NCOA3: variants seen among roughly 807,000 people sequenced by gnomAD.
NCOA3 encodes the protein CBP-interacting protein.
NCOA3 carries 51 observed loss-of-function variants against 158.8 expected under a neutral mutation model. That is an observed-to-expected ratio of 0.32 (90% CI 0.26 to 0.41). The LOEUF (loss-of-function observed/expected upper bound fraction) is 0.41, where lower values mean the gene tolerates loss of function less well. NCOA3 is among the 10% of genes least tolerant of loss of function. The probability of loss-of-function intolerance (pLI) is 1.00; values close to 1 mark genes in which losing one functional copy is unlikely to be tolerated. For missense variants in NCOA3, 1,510 were observed against 1,746.6 expected (o/e 0.86, Z 2.41); for synonymous variants, 537 against 592.4 (o/e 0.91, Z 1.36).
Position 47,655,767 on chromosome 20 carries a change from T to G in NCOA3, c.*2350T>G, listed in dbSNP as rs1313643667. 6.6e-6 allele frequency: 1 copy of G among 152,170 alleles called. No homozygotes were observed. The highest frequency in any genetic ancestry group is 2.4e-5 in the African/African-American group (1 of 41,314). 9.4% of individuals were successfully genotyped at this position (152,170 alleles called of 1,614,324 possible). On this transcript the variant is annotated 3_prime_UTR_variant, in exon 23 of 23. Transcript: ENST00000371998. ...TCTTTCTTGACTTTAAAAAAATTATTAAAAACAAAAAAAAAATAAATTTTT... is the reference window on the plus strand; with the variant it reads ...TCTTTCTTGACTTTAAAAAAATTATGAAAAACAAAAAAAAAATAAATTTTT...
At chr20:47,642,544 CTT>C (rs1474925444) in intron 17 of NCOA3, among the ~76,000 whole-genome samples, 160 bp downstream of exon 17, 1 of 152,086 alleles carries the variant, frequency 6.6e-6, no homozygotes, top group African/African-American at 2.4e-5. Flanking sequence ...GGAAAATATC[CTT>C]TTTTGGTCTC....
chr20:47,647,030 T>C (rs1199475936), intron 17 of NCOA3, 43 bp from the exon 18 acceptor site: 16 of 1,560,302 alleles, frequency 1.0e-5, no homozygotes, highest in Non-Finnish European at 1.4e-5. Flanking sequence ...TTCTGTTGCT[T>C]TCATAGATGT....
Position 47,627,085 on chromosome 20 carries a change from T to C in NCOA3, c.441T>C (p.Tyr147=), listed in dbSNP as rs764873309. 1 of 1,612,602 alleles carries C rather than the reference T, an allele frequency of 6.2e-7. No homozygotes were observed. Among genetic ancestry groups the C allele is most frequent in the South Asian group, 1.1e-5 (1 of 91,030 alleles). The change falls in exon 6 of 23, where the codon TAT becomes TAC. Residue 147 remains tyrosine (Y), a synonymous_variant. Transcript: ENST00000371998. ...VSENVTQYLQ[Y]KQEDLVNTSV... Reference sequence around the variant, plus strand: ...AAAATGTCACACAATACCTGCAATATAAGCAAGAGGACCTGGTTAACACAA... The same window carrying C: ...AAAATGTCACACAATACCTGCAATACAAGCAAGAGGACCTGGTTAACACAA...
chr20:47,511,636 C>T (rs1334767173), intron 1 of NCOA3, among the ~76,000 whole-genome samples: 3 of 143,796 alleles, frequency 2.1e-5, no homozygotes, highest in African/African-American at 8.2e-5. Context: ...CCGCAACCTC[C>T]ACCTCCCCGG....
chr20:47,513,320 C>T (rs903755871), intron 1 of NCOA3, among the ~76,000 whole-genome samples: 41 of 152,146 alleles, frequency 2.7e-4, no homozygotes, highest in African/African-American at 9.7e-4. Context: ...TGCTTACTTA[C>T]CATCAAATAC....
rs1752296032 is a variant in NCOA3 at position 47,651,077 on chromosome 20, G to GCAGCAA, written c.3752_3753insACAGCA (p.Gln1275_Gln1276dup). On this transcript the variant is annotated inframe_insertion, in exon 20 of 23. Coordinates refer to ENST00000371998, the MANE Select transcript of NCOA3 (RefSeq NM_181659.3). ...AGAGGGTGGCTATGATGATGCAGCA[G>GCAGCAA]CAGCAGCAGCAGCAACAGCAGCAGC... 8.0e-7 allele frequency: 1 copy of GCAGCAA among 1,255,462 alleles called. No individual in the cohort carries two copies. Among genetic ancestry groups the GCAGCAA allele is most frequent in the Non-Finnish European group, 1.1e-6 (1 of 900,946 alleles). 77.8% of individuals were successfully genotyped at this position (1,255,462 alleles called of 1,614,324 possible). A position where few individuals can be genotyped will look rare whatever the true frequency, so the allele number is the denominator to read the frequency against.
chr20:47,559,518 C>T (rs1410000444), intron 1 of NCOA3, among the ~76,000 whole-genome samples: 1 of 152,150 alleles, frequency 6.6e-6, no homozygotes, highest in Non-Finnish European at 1.5e-5. Context: ...ATGCTTGCTT[C>T]TCTTTCTTAC....
intron 1 of NCOA3, among the ~76,000 whole-genome samples, chr20:47,526,873 C>T (rs2084462975): frequency 6.6e-6 from 1 of 152,148 alleles, no homozygotes; most frequent in Non-Finnish European, 1.5e-5. Flanking sequence ...GAACTCCTGA[C>T]CTCAGGTGAT....
intron 16 of NCOA3, 47 bp from the exon 17 acceptor site, chr20:47,642,166 A>C (rs1029621680): frequency 1.3e-5 from 18 of 1,385,014 alleles, no homozygotes; most frequent in Non-Finnish European, 1.7e-5. Flanking sequence ...TATTACTCTT[A>C]GAAAAAAAAA....
Position 47,653,636 on chromosome 20 carries a change from T to C in NCOA3, c.*219T>C. The C allele has an allele frequency of 1.7e-6, 1 of 579,494 alleles. No homozygotes were observed. Among genetic ancestry groups the C allele is most frequent in the Non-Finnish European group, 3.0e-6 (1 of 328,284 alleles). The allele number at this position is 579,494 out of a possible 1,614,324, so 35.9% of individuals were successfully genotyped here. On this transcript the variant is annotated 3_prime_UTR_variant, in exon 23 of 23. Transcript: ENST00000371998. ...TCCCCCCTCCTTCTGCTGTGTATCA[T>C]GGTGTTCAAAACAGAAATGTTTTTT...
At chr20:47,562,087 A>G (rs1196480208) in intron 1 of NCOA3, among the ~76,000 whole-genome samples, 2 of 151,852 alleles carry the variant, frequency 1.3e-5, no homozygotes, top group Non-Finnish European at 2.9e-5. Flanking sequence ...TCTTTTTATG[A>G]CTTGATAGCG....
At chr20:47,502,471 C>A (rs1380595637) in intron 1 of NCOA3, among the ~76,000 whole-genome samples, 1 of 152,178 alleles carries the variant, frequency 6.6e-6, no homozygotes, top group Non-Finnish European at 1.5e-5. Flanking sequence ...GCGGGGACCC[C>A]CCCCACCCCA....
intron 17 of NCOA3, 90 bp downstream of exon 17, chr20:47,642,474 G>C (rs902807691): frequency 1.2e-6 from 1 of 849,090 alleles, no homozygotes; most frequent in African/African-American, 1.7e-5. Flanking sequence ...GAATGCCTGT[G>C]TGTGTCTCTC....
At chr20:47,564,140 C>T (rs981898258) in intron 1 of NCOA3, among the ~76,000 whole-genome samples, 6 of 142,180 alleles carry the variant, frequency 4.2e-5, no homozygotes, top group Admixed American at 2.2e-4. Context: ...AAGAGCGAGA[C>T]CCTGTCTCAA....
At chr20:47,542,836 C>T (rs2084767688) in intron 1 of NCOA3, among the ~76,000 whole-genome samples, 1 of 152,126 alleles carries the variant, frequency 6.6e-6, no homozygotes, top group African/African-American at 2.4e-5. Flanking sequence ...GTGGCACATA[C>T]CTGTTGTCCC....
intron 8 of NCOA3, among the ~76,000 whole-genome samples, chr20:47,632,674 CTGTTGCTGGCCCGAGTTTTT>C (rs1568740889): frequency 7.1e-6 from 1 of 140,668 alleles, no homozygotes; most frequent in Non-Finnish European, 1.5e-5. Context: ...ATGTGAGCCA[CTGTTGCTGGCCCGAGTTTTT>C]TTTTTTTGAG....
At chr20:47,618,348 G>GTTTTTTTT (rs71183269) in intron 2 of NCOA3, among the ~76,000 whole-genome samples, 9 of 101,374 alleles carry the variant, frequency 8.9e-5, no homozygotes, top group East Asian at 2.8e-4. Flanking sequence ...TTTTCCCTTA[G>GTTTTTTTT]TTTTTTTTTT....
chr20:47,630,946 T>C (rs1029762876), intron 8 of NCOA3: 1 of 152,230 alleles, frequency 6.6e-6, no homozygotes, highest in East Asian at 1.9e-4. Context: ...GTAAAACCTA[T>C]ACAAAACAGA....
At chr20:47,643,422 A>T (rs889137857) in intron 17 of NCOA3, among the ~76,000 whole-genome samples, 3 of 152,236 alleles carry the variant, frequency 2.0e-5, no homozygotes, top group Non-Finnish European at 4.4e-5. Context: ...GATACCAGTG[A>T]CATAGAACCT....
Sources: gnomAD v4.1 joint callset for allele counts (sites outside exome capture counted in the v4.1 genomes callset) on GRCh38, gnomAD v4.1.1 for gene constraint, MANE v1.5 for transcripts, NCBI Gene and HGNC (gene_info 2026-07-23, HGNC 2026-07-21) for gene names.